Variants in MIAT observed in about 807,000 individuals in gnomAD.
MIAT encodes myocardial infarction associated transcript.
Position 26,668,271 on chromosome 22 carries a change from T to C in MIAT, n.2376T>C, listed in dbSNP as rs1371481191. 10 of 398,588 alleles carry C rather than the reference T, an allele frequency of 2.5e-5. No homozygotes were observed. The East Asian group carries it at 3.6e-4, about 14-fold the overall frequency. 24.7% of individuals were successfully genotyped at this position (398,588 alleles called of 1,614,324 possible). A position where few individuals can be genotyped will look rare whatever the true frequency, so the allele number is the denominator to read the frequency against. Reference sequence around the variant, plus strand: ...TAGCGGTCAGACTCCGGTGGTTTTCTAGCCCGCTGGGTGACTCCCTGAAGA... The same window carrying C: ...TAGCGGTCAGACTCCGGTGGTTTTCCAGCCCGCTGGGTGACTCCCTGAAGA... On this transcript the variant is annotated non_coding_transcript_exon_variant, in exon 6 of 6. Coordinates refer to ENST00000643270, the Ensembl canonical transcript of MIAT.
exon 6 of MIAT, chr22:26,668,651 C>T: frequency 2.5e-6 from 1 of 399,264 alleles, no homozygotes; most frequent in East Asian, 3.6e-5. Context: ...CGGGGAGGGG[C>T]TGTCAGGCAG....
chr22:26,647,685 G>A (rs530741363), intron 2 of MIAT, among the ~76,000 whole-genome samples: 5 of 152,136 alleles, frequency 3.3e-5, no homozygotes, highest in Non-Finnish European at 7.4e-5. Context: ...TGAGACCAGA[G>A]GGGCTGCGAG....
chr22:26,670,425 G>A, downstream of MIAT: 2 of 398,448 alleles, frequency 5.0e-6, no homozygotes, highest in Non-Finnish European at 8.8e-6. Context: ...TGAGGCACAA[G>A]TTCTGAGTGC....
At chr22:26,664,660 C>T (rs1849911695) in intron 3 of MIAT, among the ~76,000 whole-genome samples, 1 of 152,178 alleles carries the variant, frequency 6.6e-6, no homozygotes, top group African/African-American at 2.4e-5. Flanking sequence ...TAAGGTTCAT[C>T]CATGTTGTAG....
downstream of MIAT, chr22:26,673,126 G>T: frequency 7.5e-6 from 3 of 398,678 alleles, no homozygotes; most frequent in Non-Finnish European, 1.3e-5. Flanking sequence ...GAGTTTGCAG[G>T]AGAGAGAAGT....
chr22:26,668,543 C>A (rs760734317), exon 6 of MIAT: 3 of 399,104 alleles, frequency 7.5e-6, no homozygotes, highest in Non-Finnish European at 8.8e-6. Context: ...GGTGACCAGA[C>A]AGAGCCTGGC....
At chr22:26,673,442 CT>C, downstream of MIAT, 1 of 398,880 alleles carries the variant, frequency 2.5e-6, no homozygotes, top group Non-Finnish European at 4.4e-6. Context: ...CTGGCCCTGT[CT>C]GGGGGTTCCA....
At chr22:26,668,436 C>A (rs944823025) in exon 6 of MIAT, 2 of 398,740 alleles carry the variant, frequency 5.0e-6, no homozygotes, top group South Asian at 2.5e-4. Flanking sequence ...ACTACTCCCT[C>A]CTCACCTGCT....
intron 3 of MIAT, among the ~76,000 whole-genome samples, chr22:26,663,753 A>C (rs1043265770): frequency 1.3e-5 from 2 of 152,188 alleles, no homozygotes; most frequent in African/African-American, 4.8e-5. Flanking sequence ...ACATACAAGG[A>C]AATGCACCCG....
Position 26,663,748 on chromosome 22 carries a change from C to A in MIAT, n.729+350C>A, listed in dbSNP as rs558109884. On this transcript the variant is annotated intron_variant and non_coding_transcript_variant, in intron 3 of 5. Coordinates refer to ENST00000643270, the Ensembl canonical transcript of MIAT. ...ACTTTATTGAGGTATAATTTACATA[C>A]AAGGAAATGCACCCGTTTAAAGCAC... Among the ~76,000 whole-genome samples, 23 of 152,260 alleles carry A rather than the reference C, an allele frequency of 1.5e-4. No individual in the cohort carries two copies. In the South Asian group the frequency reaches 4.6e-3, roughly 30 times the overall value.
At chr22:26,648,131 C>T (rs889542086) in intron 2 of MIAT, among the ~76,000 whole-genome samples, 11 of 152,122 alleles carry the variant, frequency 7.2e-5, no homozygotes, top group African/African-American at 2.7e-4. Flanking sequence ...GCACCTTTCT[C>T]TCAGCCTCAG....
At chr22:26,657,974 G>C (rs1569218933) in intron 2 of MIAT, among the ~76,000 whole-genome samples, 1 of 150,396 alleles carries the variant, frequency 6.6e-6, no homozygotes, top group South Asian at 2.1e-4. Flanking sequence ...TCCTTCCGAC[G>C]ACACAAGACA....
chr22:26,666,225 A>T, exon 4 of MIAT: 1 of 398,568 alleles, frequency 2.5e-6, no homozygotes, highest in East Asian at 3.6e-5. Flanking sequence ...CAAAAACAAA[A>T]CCTGGCAGAT....
intron 3 of MIAT, among the ~76,000 whole-genome samples, chr22:26,664,615 T>C (rs1569221491): frequency 6.6e-6 from 1 of 152,234 alleles, no homozygotes; most frequent in Non-Finnish European, 1.5e-5. Flanking sequence ...ATGTGTTCTG[T>C]TGAGCCTAGC....
chr22:26,661,862 A>G (rs991818545), intron 2 of MIAT, among the ~76,000 whole-genome samples: 1 of 148,322 alleles, frequency 6.7e-6, no homozygotes, highest in Non-Finnish European at 1.5e-5. Flanking sequence ...GTTTACATAT[A>G]CCTTCCTTGG....
At chr22:26,661,978 A>T (rs1403542468) in intron 2 of MIAT, among the ~76,000 whole-genome samples, 4 of 142,664 alleles carry the variant, frequency 2.8e-5, no homozygotes, top group African/African-American at 1.0e-4. Context: ...ACACACATAT[A>T]CATGGATCTG....
chr22:26,664,961 G>A (rs1930790898), intron 3 of MIAT, among the ~76,000 whole-genome samples: 1 of 152,234 alleles, frequency 6.6e-6, no homozygotes, highest in Non-Finnish European at 1.5e-5. Context: ...CTTTGGACAG[G>A]TGTGGTGGCT....
At chr22:26,673,148 A>G (rs1417652434), downstream of MIAT, 27 of 398,514 alleles carry the variant, frequency 6.8e-5, no homozygotes. Flanking sequence ...GGGAGCAAGA[A>G]GTGAACCTCA....
intron 2 of MIAT, among the ~76,000 whole-genome samples, chr22:26,651,078 G>A (rs1015565698): frequency 2.0e-5 from 3 of 152,058 alleles, no homozygotes; most frequent in African/African-American, 4.8e-5. Context: ...GCCGGGGAGG[G>A]GGTGGCAGGG....
Sources: gnomAD v4.1 joint callset for allele counts (sites outside exome capture counted in the v4.1 genomes callset) on GRCh38, gnomAD v4.1.1 for gene constraint, MANE v1.5 for transcripts, NCBI Gene and HGNC (gene_info 2026-07-23, HGNC 2026-07-21) for gene names.